The following CNTNAP5 variants were observed in gnomAD, a reference collection of about 807,000 sequenced individuals.
The protein encoded by CNTNAP5 is contactin-associated protein-like 5.
In CNTNAP5, 72 loss-of-function variants were observed where a neutral mutation model predicts 150.2. The observed-to-expected ratio is 0.48, with a 90% CI of 0.40 to 0.58. The LOEUF (loss-of-function observed/expected upper bound fraction) is 0.58, where lower values mean the gene tolerates loss of function less well. Among genes scored for constraint, CNTNAP5 ranks in the 20% least tolerant of loss-of-function variants. The pLI is 0.00. For synonymous variants in CNTNAP5, 672 were observed against 619.8 expected (o/e 1.08, Z -1.25); for missense variants, 1,636 against 1,626.2 (o/e 1.01, Z -0.10).
At chr2:124,911,668 G>A (rs1179041810) in intron 23 of CNTNAP5, 130 bp downstream of exon 23, 6 of 722,380 alleles carry the variant, frequency 8.3e-6, no homozygotes, top group African/African-American at 1.8e-5. Flanking sequence ...GCAAGACTGT[G>A]GGCTTTTCAT....
chr2:124,401,878 C>T (rs750703690), intron 3 of CNTNAP5, among the ~76,000 whole-genome samples: 1 of 152,278 alleles, frequency 6.6e-6, no homozygotes, highest in Non-Finnish European at 1.5e-5. Context: ...GGGCCAGGTG[C>T]TGGTCACTCT....
chr2:124,166,500 G>A (rs1684812838), intron 1 of CNTNAP5, among the ~76,000 whole-genome samples: 1 of 152,134 alleles, frequency 6.6e-6, no homozygotes, highest in South Asian at 2.1e-4. Context: ...GCTTAGACTA[G>A]TTGATACTAA....
intron 1 of CNTNAP5, among the ~76,000 whole-genome samples, chr2:124,099,418 C>T (rs1683013726): frequency 6.6e-6 from 1 of 152,144 alleles, no homozygotes; most frequent in Admixed American, 6.6e-5. Flanking sequence ...ATTCTGAGGG[C>T]AAAATCTGTC....
intron 19 of CNTNAP5, among the ~76,000 whole-genome samples, chr2:124,859,912 G>T (rs572268770): frequency 2.1e-4 from 32 of 152,128 alleles, no homozygotes; most frequent in Non-Finnish European, 4.3e-4. Flanking sequence ...CCTGTGGTGG[G>T]GTGAGGGGAG....
At chr2:124,413,390 C>G (rs1181856613) in intron 3 of CNTNAP5, among the ~76,000 whole-genome samples, 2 of 146,962 alleles carry the variant, frequency 1.4e-5, no homozygotes, top group South Asian at 2.2e-4. Flanking sequence ...GGTATATACC[C>G]AAAGGACTAT....
chr2:124,634,684 G>T (rs1448907670), intron 12 of CNTNAP5, among the ~76,000 whole-genome samples: 3 of 151,570 alleles, frequency 2.0e-5, no homozygotes, highest in Admixed American at 6.6e-5. Context: ...ATTTTTTTTT[G>T]ATAGAGATGG....
intron 1 of CNTNAP5, among the ~76,000 whole-genome samples, chr2:124,194,480 G>A (rs1220044931): frequency 2.0e-5 from 3 of 148,808 alleles, no homozygotes; most frequent in Non-Finnish European, 4.4e-5. Context: ...TAGAACATGT[G>A]GTAAACTGAC....
At chr2:124,572,970 A>G (rs944906457) in intron 11 of CNTNAP5, among the ~76,000 whole-genome samples, 20 of 152,124 alleles carry the variant, frequency 1.3e-4, no homozygotes, top group African/African-American at 4.8e-4. Context: ...GCAAACTGCC[A>G]CTTTTCTATG....
intron 3 of CNTNAP5, among the ~76,000 whole-genome samples, chr2:124,296,851 A>G (rs1688444128): frequency 6.6e-6 from 1 of 152,224 alleles, no homozygotes. Flanking sequence ...ACTGCTATTC[A>G]TTCAGAGGGT....
intron 16 of CNTNAP5, among the ~76,000 whole-genome samples, chr2:124,768,313 A>G (rs78447665): frequency 1.9e-4 from 21 of 110,624 alleles, no homozygotes; most frequent in Non-Finnish European, 2.5e-4. Flanking sequence ...GTGTGTGTAT[A>G]TGTATGTTTA....
At chr2:124,299,320 C>A (rs140771416) in intron 3 of CNTNAP5, among the ~76,000 whole-genome samples, 33 of 152,208 alleles carry the variant, frequency 2.2e-4, no homozygotes, top group African/African-American at 6.7e-4. Context: ...AGTTATTTTT[C>A]CTGATCCTCT....
chr2:124,613,273 A>T (rs1388735031), intron 12 of CNTNAP5, among the ~76,000 whole-genome samples: 8 of 152,200 alleles, frequency 5.3e-5, no homozygotes, highest in African/African-American at 1.9e-4. Context: ...CAGGGAAGAG[A>T]GTCAGGAAGA....
intron 3 of CNTNAP5, among the ~76,000 whole-genome samples, chr2:124,309,587 A>T (rs562760714): frequency 6.6e-6 from 1 of 152,362 alleles, no homozygotes; most frequent in Admixed American, 6.5e-5. Context: ...GAATACAAAC[A>T]GCAATGGGGT....
At chr2:124,570,486 G>A in intron 11 of CNTNAP5, among the ~76,000 whole-genome samples, 1 of 152,124 alleles carries the variant, frequency 6.6e-6, no homozygotes, top group Admixed American at 6.5e-5. Flanking sequence ...TGCAGCCAGG[G>A]TAGAAAAGGC....
chr2:124,305,111 C>CAAAAAAAAAA (rs57896748), intron 3 of CNTNAP5, among the ~76,000 whole-genome samples: 201 of 86,038 alleles, frequency 2.3e-3, no homozygotes, highest in African/African-American at 4.0e-3. Context: ...ACAAAAAATA[C>CAAAAAAAAAA]AAAAAAAAAA....
intron 13 of CNTNAP5, among the ~76,000 whole-genome samples, chr2:124,715,454 T>C (rs983443264): frequency 6.6e-6 from 1 of 152,142 alleles, no homozygotes; most frequent in African/African-American, 2.4e-5. Flanking sequence ...TGATCCTGAA[T>C]GTCTTACCAC....
At chr2:124,582,024 C>G (rs1696426527) in intron 11 of CNTNAP5, among the ~76,000 whole-genome samples, 1 of 152,198 alleles carries the variant, frequency 6.6e-6, no homozygotes, top group African/African-American at 2.4e-5. Context: ...GGTGAAATCT[C>G]TCTCTACTTT....
chr2:124,774,534 T>A (rs1681278683), intron 17 of CNTNAP5, among the ~76,000 whole-genome samples: 1 of 152,242 alleles, frequency 6.6e-6, no homozygotes, highest in Non-Finnish European at 1.5e-5. Flanking sequence ...ATAACTCATA[T>A]ATGTGATATG....
intron 12 of CNTNAP5, among the ~76,000 whole-genome samples, chr2:124,639,174 G>A (rs1192474159): frequency 6.6e-6 from 1 of 152,162 alleles, no homozygotes; most frequent in Non-Finnish European, 1.5e-5. Flanking sequence ...TTCATATGTA[G>A]TACTTGCAGT....
Sources: allele counts gnomAD v4.1 joint callset (sites outside exome capture counted in the v4.1 genomes callset), GRCh38; gene constraint gnomAD v4.1.1; transcripts MANE v1.5; gene names NCBI Gene and HGNC (gene_info 2026-07-23, HGNC 2026-07-21).